Variants in ARL1 observed in about 807,000 individuals in gnomAD.
ARL1 encodes the protein ARF like GTPase 1, also known as ADP-ribosylation factor-like protein 1.
ARL1 carries 17 observed loss-of-function variants against 30.1 expected under a neutral mutation model. The observed-to-expected ratio is 0.56, with a 90% CI of 0.39 to 0.85. ARL1 has a LOEUF of 0.85. ARL1 is among the 40% of genes least tolerant of loss of function. The probability of loss-of-function intolerance (pLI) is 0.00; values close to 1 mark genes in which losing one functional copy is unlikely to be tolerated. For synonymous variants in ARL1, 58 were observed against 71.7 expected (o/e 0.81, Z 0.97); for missense variants, 102 against 212.6 (o/e 0.48, Z 3.24).
At chr12:101,397,485 A>T (rs1322147980) in intron 4 of ARL1, among the ~76,000 whole-genome samples, 1 of 151,764 alleles carries the variant, frequency 6.6e-6, no homozygotes. Context: ...GGACAGAGGG[A>T]GACCCTGTCT....
Position 101,402,974 on chromosome 12 carries a change from G to A in ARL1, c.143-28C>T. ...GGAAGAGAAATCAAATCAGTGGTAT[G>A]TGTAGACTAATACATTCCACCTTCA... On this transcript the variant is annotated intron_variant, in intron 2 of 5. Coordinates refer to ENST00000261636, the MANE Select transcript of ARL1 (RefSeq NM_001177.6). 2.6e-6 allele frequency: 4 copies of A among 1,517,338 alleles called. No homozygotes were observed. The South Asian group carries it at 3.4e-5, about 13-fold the overall frequency. The allele number at this position is 1,517,338 out of a possible 1,614,324, so 94.0% of individuals were successfully genotyped here.
chr12:101,407,799 C>T (rs1165964830), upstream of ARL1: 2 of 1,094,554 alleles, frequency 1.8e-6, no homozygotes, highest in Non-Finnish European at 2.7e-6. Flanking sequence ...GACTGCGCGC[C>T]GGGAACGGTG....
Position 101,395,034 on chromosome 12 carries a change from GA to G in ARL1, c.*605del, listed in dbSNP as rs958128179. The stretch of plus-strand genomic sequence containing the variant: ...CGATCAACTAGATCAATATATGTAA[GA>G]TTTTTTTTGACAACTGTAAAGTACT... On this transcript the variant is annotated 3_prime_UTR_variant, in exon 6 of 6. Transcript: ENST00000261636. 6.6e-6 allele frequency: 1 copy of G among 152,298 alleles called. No individual in the cohort carries two copies. Among genetic ancestry groups the G allele is most frequent in the African/African-American group, 2.4e-5 (1 of 41,384 alleles). The allele number at this position is 152,298 out of a possible 1,614,324, so 9.4% of individuals were successfully genotyped here. A position where few individuals can be genotyped will look rare whatever the true frequency, so the allele number is the denominator to read the frequency against.
chr12:101,407,472 G>T, intron 1 of ARL1, 170 bp downstream of exon 1: 1 of 820,186 alleles, frequency 1.2e-6, no homozygotes, highest in Non-Finnish European at 1.9e-6. Flanking sequence ...GCGAGAGGCC[G>T]GATCCACCCC....
At position 101,393,784 on chromosome 12, in the gene ARL1, CG is replaced by C. The variant is rs1871074293; in HGVS notation, c.*1855del. The stretch of plus-strand genomic sequence containing the variant: ...ATTTTTTGCAGTTTTCCTGGACTGC[CG>C]GGAGGCAGCTGTACAAGCTTTATAA... On this transcript the variant is annotated 3_prime_UTR_variant, in exon 6 of 6. Transcript: ENST00000261636. The C allele has an allele frequency of 6.6e-6, 1 of 151,978 alleles. No homozygotes were observed. Among genetic ancestry groups the C allele is most frequent in the Non-Finnish European group, 1.5e-5 (1 of 68,030 alleles). 9.4% of individuals were successfully genotyped at this position (151,978 alleles called of 1,614,324 possible).
chr12:101,402,728 C>T (rs1871339520), intron 3 of ARL1, 137 bp downstream of exon 3: 2 of 500,008 alleles, frequency 4.0e-6, no homozygotes, highest in South Asian at 9.7e-5. Flanking sequence ...GGAAATAGTT[C>T]CCAATTTTAC....
At chr12:101,402,476 C>CCAGCCA (rs1871332419) in intron 3 of ARL1, among the ~76,000 whole-genome samples, 2 of 152,218 alleles carry the variant, frequency 1.3e-5, no homozygotes, top group South Asian at 4.1e-4. Context: ...CGTGAGCTAC[C>CCAGCCA]ATGCCCGGCC....
chr12:101,403,386 T>G (rs967621904), intron 2 of ARL1: 3 of 265,320 alleles, frequency 1.1e-5, no homozygotes, highest in Non-Finnish European at 2.2e-5. Context: ...AATAGAGTAG[T>G]TAAAAGTGTT....
At chr12:101,398,682 C>CAGG in intron 4 of ARL1, among the ~76,000 whole-genome samples, 2 of 152,076 alleles carry the variant, frequency 1.3e-5, no homozygotes, top group African/African-American at 4.8e-5. Context: ...AAGTGATCCA[C>CAGG]CTGCCTCGGC....
At chr12:101,398,718 G>A (rs1331700089) in intron 4 of ARL1, among the ~76,000 whole-genome samples, 7 of 152,180 alleles carry the variant, frequency 4.6e-5, no homozygotes, top group South Asian at 2.1e-4. Context: ...GATTACAGGC[G>A]TGAGCCACCA....
chr12:101,403,264 A>G (rs988120964), intron 2 of ARL1: 1 of 437,654 alleles, frequency 2.3e-6, no homozygotes, highest in African/African-American at 2.0e-5. Context: ...TTCTGCAAAT[A>G]AAGTATATAA....
chr12:101,400,927 T>C (rs1871288850), intron 4 of ARL1, 135 bp downstream of exon 4: 1 of 656,656 alleles, frequency 1.5e-6, no homozygotes, highest in African/African-American at 1.8e-5. Flanking sequence ...ATTTTTGGAA[T>C]AGAAAATCAT....
In ARL1 at chr12:101,395,346, A is replaced by C. The variant is rs1871119766; in HGVS notation, c.*294T>G. 1 of 308,298 alleles carries C rather than the reference A, an allele frequency of 3.2e-6. No homozygotes were observed. The highest frequency in any genetic ancestry group is 1.2e-4 in the South Asian group (1 of 8,016). 19.1% of individuals were successfully genotyped at this position (308,298 alleles called of 1,614,324 possible). A position where few individuals can be genotyped will look rare whatever the true frequency, so the allele number is the denominator to read the frequency against. On this transcript the variant is annotated 3_prime_UTR_variant, in exon 6 of 6. Coordinates refer to ENST00000261636, the MANE Select transcript of ARL1 (RefSeq NM_001177.6). Reference sequence around the variant, plus strand: ...TAGGTTTTTTTCATCCAATAGGAGTATACTCTTTAATAGAACTGTATTTGA... The same window carrying C: ...TAGGTTTTTTTCATCCAATAGGAGTCTACTCTTTAATAGAACTGTATTTGA...
intron 5 of ARL1, chr12:101,396,144 G>A: frequency 1.7e-6 from 1 of 605,768 alleles, no homozygotes; most frequent in Non-Finnish European, 2.9e-6. Context: ...AGGAATTGGA[G>A]GGTGAGGTGA....
At position 101,405,429 on chromosome 12, in the gene ARL1, T is replaced by C. The variant is rs544737744; in HGVS notation, c.142+415A>G. ...GGTATTTGTTATCTTATGTATTTTA[T>C]TAGTAAAGATACTGGCTCTCAGTAA... On this transcript the variant is annotated intron_variant, in intron 2 of 5. Transcript: ENST00000261636. 3.3e-5 allele frequency among the ~76,000 whole-genome samples: 5 copies of C among 152,344 alleles called. No homozygotes were observed. The South Asian group carries it at 1.0e-3, about 32-fold the overall frequency.
At chr12:101,398,675 T>G (rs1593464916) in intron 4 of ARL1, among the ~76,000 whole-genome samples, 1 of 152,052 alleles carries the variant, frequency 6.6e-6, no homozygotes, top group Admixed American at 6.6e-5. Context: ...TGACCTGAAG[T>G]GATCCACCTG....
chr12:101,407,462 G>T, intron 1 of ARL1, 180 bp downstream of exon 1: 1 of 748,366 alleles, frequency 1.3e-6, no homozygotes. Context: ...GGAGGAGAAC[G>T]CGAGAGGCCG....
intron 4 of ARL1, 83 bp downstream of exon 4, chr12:101,400,979 C>T (rs1247347989): frequency 1.1e-6 from 1 of 906,538 alleles, no homozygotes. Flanking sequence ...GAGGGAACAA[C>T]CCCTGCATTC....
At chr12:101,396,073 A>C (rs1871142750) in intron 5 of ARL1, 2 of 578,960 alleles carry the variant, frequency 3.5e-6, no homozygotes, top group Non-Finnish European at 3.0e-6. Context: ...AGGCAGTAGG[A>C]ATAGAGATAC....
Sources: allele counts gnomAD v4.1 joint callset (sites outside exome capture counted in the v4.1 genomes callset), GRCh38; gene constraint gnomAD v4.1.1; transcripts MANE v1.5; gene names NCBI Gene and HGNC (gene_info 2026-07-23, HGNC 2026-07-21).